PTPRG: variants seen among roughly 807,000 people sequenced by gnomAD.
PTPRG encodes the protein protein tyrosine phosphatase receptor type G.
PTPRG carries 102 observed loss-of-function variants against 165.3 expected under a neutral mutation model. The ratio of observed to expected loss-of-function variants is 0.62; its 90% CI spans 0.53 to 0.73. PTPRG has a LOEUF of 0.73. Ranked by LOEUF, PTPRG falls within the 30% of genes least tolerant of loss-of-function variation. The pLI, the probability that PTPRG is intolerant of heterozygous loss-of-function variation, is 0.00. For missense variants in PTPRG, 1,866 were observed against 1,861.4 expected (o/e 1.00, Z -0.05); for synonymous variants, 675 against 669.5 (o/e 1.01, Z -0.13).
intron 2 of PTPRG, among the ~76,000 whole-genome samples, chr3:61,767,239 TCAAA>T (rs1480330318): frequency 2.7e-5 from 2 of 73,098 alleles, no homozygotes; most frequent in African/African-American, 4.9e-5. Context: ...AGATTCCATC[TCAAA>T]AAAAAAAAAA....
chr3:61,888,031 C>G (rs1048372122), intron 2 of PTPRG, among the ~76,000 whole-genome samples: 1 of 152,058 alleles, frequency 6.6e-6, no homozygotes, highest in Admixed American at 6.5e-5. Flanking sequence ...ACACAGAAGG[C>G]GCTAAAATAG....
chr3:61,678,578 C>T (rs900270416), intron 1 of PTPRG, among the ~76,000 whole-genome samples: 2 of 152,080 alleles, frequency 1.3e-5, no homozygotes, highest in African/African-American at 4.8e-5. Context: ...CGGAGCATCC[C>T]CAGACAAGAT....
chr3:62,172,744 T>C (rs1508402), intron 8 of PTPRG, among the ~76,000 whole-genome samples: 26,580 of 152,166 alleles, frequency 0.17, 2,930 homozygotes, highest in African/African-American at 0.31. Context: ...AAAAAAAGTT[T>C]TAAAAAGAGA....
chr3:61,576,700 A>G (rs1300105515), intron 1 of PTPRG, among the ~76,000 whole-genome samples: 2 of 152,186 alleles, frequency 1.3e-5, no homozygotes, highest in Non-Finnish European at 2.9e-5. Context: ...CCAAGTGGCT[A>G]CTGTATTCTT....
Position 62,293,228 on chromosome 3 carries a change from C to A in PTPRG, c.4259C>A (p.Pro1420His). Reference protein sequence around the residue: ...LVSTKENGNGPMTVDKNGAVL... With the variant: ...LVSTKENGNGHMTVDKNGAVL... ...AGCACTAAAGAAAATGGAAATGGTC[C>A]CATGACAGTAGACAAAAATGGTGCT... The change falls in exon 30 of 30, where the codon CCC becomes CAC. Residue 1420 changes from proline to histidine, a missense_variant. Physicochemically the swap from Pro to His is moderately conservative, Grantham distance 77. Coordinates refer to ENST00000474889, the MANE Select transcript of PTPRG (RefSeq NM_002841.4). 2 of 1,611,482 alleles carry A rather than the reference C, an allele frequency of 1.2e-6. No individual in the cohort carries two copies. The highest frequency in any genetic ancestry group is 1.7e-6 in the Non-Finnish European group (2 of 1,178,964).
intron 8 of PTPRG, among the ~76,000 whole-genome samples, chr3:62,176,990 C>G (rs915029898): frequency 1.3e-5 from 2 of 152,038 alleles, no homozygotes; most frequent in African/African-American, 4.8e-5. Flanking sequence ...AAGGCAGAGC[C>G]CAGTGGCTCA....
chr3:61,811,901 A>G (rs2035589836), intron 2 of PTPRG, among the ~76,000 whole-genome samples: 1 of 152,178 alleles, frequency 6.6e-6, no homozygotes, highest in Admixed American at 6.5e-5. Flanking sequence ...TACAAATCAG[A>G]TCTAACGGTT....
intron 1 of PTPRG, among the ~76,000 whole-genome samples, chr3:61,618,354 G>C (rs1425003108): frequency 6.6e-6 from 1 of 152,162 alleles, no homozygotes; most frequent in African/African-American, 2.4e-5. Context: ...TCCAGCATGA[G>C]AGGGGGGTGT....
At chr3:62,018,569 T>C (rs754146245) in intron 4 of PTPRG, among the ~76,000 whole-genome samples, 6 of 152,220 alleles carry the variant, frequency 3.9e-5, no homozygotes, top group Non-Finnish European at 8.8e-5. Context: ...ATTCCATTAT[T>C]TGAGTTAAGG....
intron 8 of PTPRG, among the ~76,000 whole-genome samples, chr3:62,186,205 A>C (rs1199435924): frequency 6.6e-6 from 1 of 152,168 alleles, no homozygotes; most frequent in African/African-American, 2.4e-5. Context: ...GCATGAGTTA[A>C]AGACCAGAGA....
chr3:61,748,056 T>C (rs115628708), intron 1 of PTPRG, among the ~76,000 whole-genome samples: 237 of 152,316 alleles, frequency 1.6e-3, no homozygotes, highest in African/African-American at 5.4e-3. Flanking sequence ...GAGAGTAGTA[T>C]TTTTGCTGTT....
intron 2 of PTPRG, among the ~76,000 whole-genome samples, chr3:61,982,028 C>A (rs560725281): frequency 6.6e-6 from 1 of 152,050 alleles, no homozygotes; most frequent in Non-Finnish European, 1.5e-5. Flanking sequence ...AGTCACCTTG[C>A]CCAGTGCTCT....
In PTPRG at chr3:62,233,276, G is replaced by T. The variant is rs1700947592; in HGVS notation, c.2375+1965G>T. 6.6e-6 allele frequency among the ~76,000 whole-genome samples: 1 copy of T among 152,144 alleles called. No individual in the cohort carries two copies. The highest frequency in any genetic ancestry group is 1.9e-4 in the East Asian group (1 of 5,178). ...CAGATACAGATCCTGTCCTCAAGGG[G>T]CGCCATGTCTGTGCTTCTTACGCTA... is the stretch of plus-strand genomic sequence containing the variant. On this transcript the variant is annotated intron_variant, in intron 14 of 29. Coordinates refer to ENST00000474889, the MANE Select transcript of PTPRG (RefSeq NM_002841.4). The surrounding 1 kb of genome is among the most constrained non-coding windows in gnomAD (Gnocchi z 4.7).
rs150569607 is a variant in PTPRG, at chr3:61,767,825, C to A, written c.190+18843C>A. On this transcript the variant is annotated intron_variant, in intron 2 of 29. Coordinates refer to ENST00000474889, the MANE Select transcript of PTPRG (RefSeq NM_002841.4). ...TTGTACCAAAGGAAAAAAAAAATAG[C>A]TGGATATGGTGGCACACGCCTGTAG... Among the ~76,000 whole-genome samples, 3 of 151,796 alleles carry A rather than the reference C, an allele frequency of 2.0e-5. No individual in the cohort carries two copies. The East Asian group carries it at 5.8e-4, about 29-fold the overall frequency.
At chr3:62,282,348 C>T (rs1277735422) in intron 27 of PTPRG, among the ~76,000 whole-genome samples, 2 of 151,616 alleles carry the variant, frequency 1.3e-5, no homozygotes, top group Admixed American at 6.6e-5. Context: ...ATCAGCCTCC[C>T]GAATAGCAAA....
chr3:62,027,057 A>G (rs761675204), intron 4 of PTPRG, among the ~76,000 whole-genome samples: 23 of 152,134 alleles, frequency 1.5e-4, no homozygotes, highest in Non-Finnish European at 3.1e-4. Flanking sequence ...ATTTAGAGTC[A>G]GTATAGATAT....
At chr3:62,180,351 T>C (rs1705598228) in intron 8 of PTPRG, among the ~76,000 whole-genome samples, 1 of 152,138 alleles carries the variant, frequency 6.6e-6, no homozygotes, top group African/African-American at 2.4e-5. Flanking sequence ...CAACATTGTC[T>C]CAGCAGTGGG....
intron 1 of PTPRG, among the ~76,000 whole-genome samples, chr3:61,612,382 G>C (rs1440281388): frequency 1.3e-5 from 2 of 152,186 alleles, no homozygotes; most frequent in East Asian, 1.9e-4. Flanking sequence ...ATTCCATCCA[G>C]TTGAGCAACT....
chr3:62,005,173 T>C (rs1394098872), intron 4 of PTPRG, among the ~76,000 whole-genome samples: 1 of 152,222 alleles, frequency 6.6e-6, no homozygotes, highest in Admixed American at 6.5e-5. Flanking sequence ...ATCAGAATTC[T>C]TCCTGCATTA....
Sources: gnomAD v4.1 joint callset for allele counts (sites outside exome capture counted in the v4.1 genomes callset) on GRCh38, gnomAD v4.1.1 for gene constraint, Gnocchi (gnomAD v3.1) non-coding constraint, MANE v1.5 for transcripts, NCBI Gene and HGNC (gene_info 2026-07-23, HGNC 2026-07-21) for gene names.